Variants in NCALD observed in about 807,000 individuals in gnomAD.
The protein encoded by NCALD is neurocalcin-delta.
A neutral mutation model predicts 18.6 loss-of-function variants in NCALD; 10 were observed. That is an observed-to-expected ratio of 0.54 (90% CI 0.33 to 0.91). NCALD has a LOEUF of 0.91. Ranked by LOEUF, NCALD falls within the 40% of genes least tolerant of loss-of-function variation. The pLI is 0.03. For synonymous variants in NCALD, 88 were observed against 87.4 expected (o/e 1.01, Z -0.04); for missense variants, 184 against 247.6 (o/e 0.74, Z 1.72).
chr8:101,830,222 T>G (rs1814117369), intron 4 of NCALD, among the ~76,000 whole-genome samples: 3 of 152,144 alleles, frequency 2.0e-5, no homozygotes. Flanking sequence ...GTGACATTCA[T>G]TATCAAGGAT....
At chr8:101,840,048 G>T (rs1289551377) in intron 4 of NCALD, among the ~76,000 whole-genome samples, 1 of 151,620 alleles carries the variant, frequency 6.6e-6, no homozygotes, top group Non-Finnish European at 1.5e-5. Flanking sequence ...ATATGTCCAT[G>T]TAATAAGGAA....
At chr8:101,776,461 T>C in intron 1 of NCALD, among the ~76,000 whole-genome samples, 1 of 152,204 alleles carries the variant, frequency 6.6e-6, no homozygotes. Context: ...CCAGTAATTT[T>C]TTTTTTAATA....
Position 101,786,383 on chromosome 8 carries a change from G to A in NCALD, c.-20+4479C>T, listed in dbSNP as rs189780754. ...TATAATACTGTGAATGCAGTAGTCC[G>A]TTAATAAATGTTCGCCAATTGAGTG... On this transcript the variant is annotated intron_variant, in intron 1 of 3. Coordinates refer to ENST00000220931, the MANE Select transcript of NCALD (RefSeq NM_032041.3). 6.9e-4 allele frequency among the ~76,000 whole-genome samples: 105 copies of A among 152,290 alleles called. 1 individual carries two copies. The highest frequency in any genetic ancestry group is 2.3e-3 in the African/African-American group (96 of 41,560).
At chr8:101,822,626 C>G (rs1369094260) in intron 4 of NCALD, among the ~76,000 whole-genome samples, 1 of 152,224 alleles carries the variant, frequency 6.6e-6, no homozygotes, top group Non-Finnish European at 1.5e-5. Flanking sequence ...GCCAGCAGTT[C>G]TGGGCTCCTG....
chr8:102,077,385 G>A (rs1057057947), intron 1 of NCALD, among the ~76,000 whole-genome samples: 1 of 152,152 alleles, frequency 6.6e-6, no homozygotes, highest in Non-Finnish European at 1.5e-5. Flanking sequence ...ACCAAGAAAG[G>A]AAAGAAGACA....
chr8:102,115,812 G>A (rs990549544), intron 1 of NCALD, among the ~76,000 whole-genome samples: 1 of 152,090 alleles, frequency 6.6e-6, no homozygotes, highest in Non-Finnish European at 1.5e-5. Flanking sequence ...AAGCATCTGG[G>A]AAAGCCCCAG....
intron 2 of NCALD, among the ~76,000 whole-genome samples, chr8:101,992,102 T>G (rs1052437294): frequency 8.5e-5 from 13 of 152,216 alleles, no homozygotes; most frequent in African/African-American, 2.9e-4. Flanking sequence ...GAAAGTCGCA[T>G]GGGAACTGAC....
intron 1 of NCALD, among the ~76,000 whole-genome samples, chr8:102,075,228 A>G (rs2132309604): frequency 6.6e-6 from 1 of 152,358 alleles, no homozygotes; most frequent in East Asian, 1.9e-4. Context: ...CACACCAAGA[A>G]AAGTCTAAAC....
chr8:102,092,917 C>T lies in NCALD; in HGVS notation c.-210+31320G>A, dbSNP rs571658999. The stretch of plus-strand genomic sequence containing the variant: ...TTTGACTTATGCACCTCTACGCCTC[C>T]ATTGGACTATAACTATATGAGAGCA... On this transcript the variant is annotated intron_variant, in intron 1 of 6. Coordinates refer to the NCALD transcript ENST00000311028. Among the ~76,000 whole-genome samples the T allele has an allele frequency of 2.6e-5, 4 of 152,310 alleles. No homozygotes were observed. In the South Asian group the frequency reaches 8.3e-4, roughly 32 times the overall value.
chr8:102,117,453 G>A (rs1028466857), intron 1 of NCALD, among the ~76,000 whole-genome samples: 1 of 152,102 alleles, frequency 6.6e-6, no homozygotes, highest in African/African-American at 2.4e-5. Context: ...CTCGGCATCC[G>A]CCAGCTCATG....
intron 3 of NCALD, among the ~76,000 whole-genome samples, chr8:101,891,729 T>G (rs1315641565): frequency 1.3e-5 from 2 of 152,188 alleles, no homozygotes; most frequent in African/African-American, 4.8e-5. Context: ...GAGTTCCCTT[T>G]CCAAGTCAAA....
chr8:101,834,163 G>A (rs1814307586), intron 4 of NCALD, among the ~76,000 whole-genome samples: 1 of 152,240 alleles, frequency 6.6e-6, no homozygotes, highest in Non-Finnish European at 1.5e-5. Flanking sequence ...GCTTGAGGGA[G>A]AAAGGGAGCA....
At position 101,893,250 on chromosome 8, in the gene NCALD, A is replaced by C. The variant is rs565397690; in HGVS notation, c.-106-6023T>G. ...AAGAATTGTCAACCCAGAATTTCAT[A>C]TCTAGCCAAACTAAGCTTCATAAGT... On this transcript the variant is annotated intron_variant, in intron 3 of 6. Transcript: ENST00000311028. Among the ~76,000 whole-genome samples, 3 of 151,744 alleles carry C rather than the reference A, an allele frequency of 2.0e-5. No homozygotes were observed. The East Asian group carries it at 5.8e-4, about 29-fold the overall frequency.
chr8:101,829,509 T>C (rs1814080813), intron 4 of NCALD, among the ~76,000 whole-genome samples: 1 of 152,248 alleles, frequency 6.6e-6, no homozygotes, highest in African/African-American at 2.4e-5. Flanking sequence ...AAAGCTTTCC[T>C]GTGAATAATT....
At chr8:101,734,184 G>A (rs1274725862) in intron 1 of NCALD, among the ~76,000 whole-genome samples, 1 of 152,070 alleles carries the variant, frequency 6.6e-6, no homozygotes, top group African/African-American at 2.4e-5. Flanking sequence ...TTCTTCACTC[G>A]GCAGCCATTC....
chr8:101,897,534 C>G (rs888026814), intron 3 of NCALD, among the ~76,000 whole-genome samples: 3 of 151,836 alleles, frequency 2.0e-5, no homozygotes, highest in Non-Finnish European at 4.4e-5. Flanking sequence ...AAAGAAAGTA[C>G]TACAGTTTGC....
intron 4 of NCALD, among the ~76,000 whole-genome samples, chr8:101,851,897 G>A (rs767947901): frequency 3.3e-5 from 5 of 152,080 alleles, no homozygotes; most frequent in Non-Finnish European, 4.4e-5. Flanking sequence ...GGGGCTTTTC[G>A]AGAGGTGATT....
At chr8:101,765,659 G>A (rs560745678) in intron 1 of NCALD, among the ~76,000 whole-genome samples, 1 of 152,124 alleles carries the variant, frequency 6.6e-6, no homozygotes, top group Non-Finnish European at 1.5e-5. Flanking sequence ...GAGTAGGAAG[G>A]GGGAGAGAAA....
At chr8:101,833,622 T>G (rs1327171301) in intron 4 of NCALD, among the ~76,000 whole-genome samples, 3 of 148,550 alleles carry the variant, frequency 2.0e-5, no homozygotes, top group Non-Finnish European at 4.5e-5. Flanking sequence ...TTTTTTTTTT[T>G]TTTTTTTTTT....
Sources: gnomAD v4.1 joint callset for allele counts (sites outside exome capture counted in the v4.1 genomes callset) on GRCh38, gnomAD v4.1.1 for gene constraint, MANE v1.5 for transcripts, NCBI Gene and HGNC (gene_info 2026-07-23, HGNC 2026-07-21) for gene names.